The following KCNMB3 variants were observed in gnomAD, a reference collection of about 807,000 sequenced individuals.
The protein encoded by KCNMB3 is calcium-activated potassium channel subunit beta-3.
KCNMB3 carries 18 observed loss-of-function variants against 11.9 expected under a neutral mutation model. That is an observed-to-expected ratio of 1.51 (90% CI 1.04 to 2.23). The LOEUF (loss-of-function observed/expected upper bound fraction) is 2.23, where lower values mean the gene tolerates loss of function less well. KCNMB3 is among the 30% of genes most tolerant of loss of function. The probability of loss-of-function intolerance (pLI) is 0.00; values close to 1 mark genes in which losing one functional copy is unlikely to be tolerated. For synonymous variants in KCNMB3, 78 were observed against 119.2 expected (o/e 0.65, Z 2.25); for missense variants, 247 against 329.4 (o/e 0.75, Z 1.94).
At chr3:179,261,356 G>A (rs1290956005) in intron 1 of KCNMB3, 2 of 1,153,606 alleles carry the variant, frequency 1.7e-6, no homozygotes, top group South Asian at 4.1e-5. Context: ...GGGCCAGGGG[G>A]CGCGCGCTCT....
chr3:179,266,586 C>T, intron 1 of KCNMB3: 1 of 1,594,924 alleles, frequency 6.3e-7, no homozygotes, highest in Non-Finnish European at 8.6e-7. Flanking sequence ...GATGTCCCCT[C>T]TTCTTGCAAC....
Position 179,250,982 on chromosome 3 carries a change from G to A in KCNMB3, c.9C>T (p.Pro3=), listed in dbSNP as rs1167666539. 3 of 1,614,114 alleles carry A rather than the reference G, an allele frequency of 1.9e-6. No individual in the cohort carries two copies. In the South Asian group the frequency reaches 3.3e-5, roughly 18 times the overall value. The change falls in exon 1 of 3, where the codon CCC becomes CCT. Residue 3 remains proline, a synonymous_variant. Transcript: ENST00000392685. MF[P]LLYELTAVSP... ...ATACTGCAGTGAGCTCATAAAGAAG[G>A]GGGAACATTTCCAATCCATGGGGAC...
rs751692123 is a variant in KCNMB3 at position 179,243,043 on chromosome 3, G to A, written c.689C>T (p.Thr230Ile). Residue 230 changes from threonine to isoleucine, a missense_variant, in exon 3 of 3, where the codon ACA (threonine) becomes ATA (isoleucine). Physicochemically the swap from Thr to Ile is moderately conservative, Grantham distance 89 (BLOSUM62 -1). Around this residue, in one of 2 missense-constraint regions of KCNMB3, gnomAD observed 87 missense variants for 171.9 expected, o/e 0.51. Transcript: ENST00000392685. ...TTCACACAGTAAGGACAGGTGTTGT[G>A]TTAATCTCACCATGCCAACAATCAG... ...GALIVGMVRL[T>I]QHLSLLCEKY... is the part of the protein sequence containing the mutation. 3.6e-5 allele frequency: 57 copies of A among 1,595,400 alleles called. No individual in the cohort carries two copies. Among genetic ancestry groups the A allele is most frequent in the Non-Finnish European group, 4.6e-5 (54 of 1,171,160 alleles).
chr3:179,262,138 A>C (rs1726234200), intron 1 of KCNMB3, among the ~76,000 whole-genome samples: 1 of 152,250 alleles, frequency 6.6e-6, no homozygotes, highest in Non-Finnish European at 1.5e-5. Context: ...ACACTCCCCC[A>C]GTAATTTAGA....
downstream of KCNMB3, chr3:179,241,356 C>T (rs6786049): frequency 0.08 from 12,290 of 154,220 alleles, 526 homozygotes; most frequent in Middle Eastern, 0.12. Context: ...CAAATAAATC[C>T]TACTCTGAGA....
intron 1 of KCNMB3, among the ~76,000 whole-genome samples, chr3:179,261,433 G>A (rs1410517799): frequency 1.2e-4 from 18 of 151,930 alleles, no homozygotes; most frequent in Admixed American, 1.1e-3. Flanking sequence ...GAGCCAGCCC[G>A]CCGGGGAGCG....
chr3:179,251,894 G>A (rs1477773116), upstream of KCNMB3, among the ~76,000 whole-genome samples: 1 of 151,988 alleles, frequency 6.6e-6, no homozygotes, highest in Non-Finnish European at 1.5e-5. Context: ...GCTAATTTTT[G>A]TATTTTAAGT....
chr3:179,244,667 G>A lies in KCNMB3; in HGVS notation c.275C>T (p.Thr92Ile), dbSNP rs1185134841. Reference protein sequence around the residue: ...LSIQREESTCTAIHTDIMDDW... With the variant: ...LSIQREESTCIAIHTDIMDDW... ...GTCCATGATATCTGTGTGGATGGCA[G>A]TGCAGGTCGATTCTTCTCTCTGAAT... The change falls in exon 2 of 3, where the codon ACT becomes ATT. Residue 92 changes from threonine (T) to isoleucine (I), a missense_variant. By Grantham distance (89) the Thr-to-Ile change is moderately conservative. Around this residue, in one of 2 missense-constraint regions of KCNMB3, gnomAD observed 160 missense variants for 157.5 expected, o/e 1.02. Transcript: ENST00000392685. 2 of 1,613,760 alleles carry A rather than the reference G, an allele frequency of 1.2e-6. No homozygotes were observed. Among genetic ancestry groups the A allele is most frequent in the Non-Finnish European group, 1.7e-6 (2 of 1,179,884 alleles).
intron 1 of KCNMB3, among the ~76,000 whole-genome samples, chr3:179,245,323 C>T (rs558126473): frequency 1.3e-5 from 2 of 152,326 alleles, no homozygotes; most frequent in South Asian, 2.1e-4. Context: ...CACATACCCA[C>T]TACTTCCAAA....
At chr3:179,255,164 C>CAA (rs5854826), upstream of KCNMB3, among the ~76,000 whole-genome samples, 45 of 148,570 alleles carry the variant, frequency 3.0e-4, no homozygotes, top group Admixed American at 4.7e-4. Context: ...GACTCTATCT[C>CAA]AAAAAAAAAT....
At chr3:179,259,689 T>C in intron 1 of KCNMB3, 1 of 1,604,000 alleles carries the variant, frequency 6.2e-7, no homozygotes, top group Non-Finnish European at 8.5e-7. Context: ...TTTAAGGGTT[T>C]CTATGGGTAC....
At chr3:179,258,134 C>A (rs912139531) in intron 1 of KCNMB3, among the ~76,000 whole-genome samples, 1 of 152,164 alleles carries the variant, frequency 6.6e-6, no homozygotes, top group Non-Finnish European at 1.5e-5. Flanking sequence ...GATCCACCCG[C>A]CTTGGCCTCC....
intron 1 of KCNMB3, among the ~76,000 whole-genome samples, chr3:179,263,430 C>T (rs961998082): frequency 2.0e-5 from 3 of 152,256 alleles, no homozygotes; most frequent in African/African-American, 4.8e-5. Flanking sequence ...CGGCTCTAGC[C>T]TTGGCCAGCC....
At chr3:179,266,836 C>A (rs1160584837) in exon 1 of KCNMB3, 39 of 1,448,518 alleles carry the variant, frequency 2.7e-5, no homozygotes, top group Non-Finnish European at 3.4e-5. Flanking sequence ...CCCAGCGCAG[C>A]TGCAGCCATT....
chr3:179,262,539 C>T (rs938906571), intron 1 of KCNMB3, among the ~76,000 whole-genome samples: 2 of 152,226 alleles, frequency 1.3e-5, no homozygotes, highest in African/African-American at 2.4e-5. Context: ...AACAAATCCT[C>T]CACAGCGTGG....
At chr3:179,240,203 T>G (rs1385318436), downstream of KCNMB3, 21 of 584,316 alleles carry the variant, frequency 3.6e-5, no homozygotes, top group Admixed American at 7.2e-4. Flanking sequence ...AATCAAAATT[T>G]AGCTGAATTT....
chr3:179,259,199 C>A (rs1726120208), intron 1 of KCNMB3: 2 of 1,543,020 alleles, frequency 1.3e-6, no homozygotes, highest in Admixed American at 2.1e-5. Flanking sequence ...ACATCCCACA[C>A]CTCTCTGTAC....
chr3:179,255,017 T>C (rs1015248092), upstream of KCNMB3, among the ~76,000 whole-genome samples: 2 of 151,644 alleles, frequency 1.3e-5, no homozygotes, highest in African/African-American at 4.8e-5. Context: ...ATACAAAAAT[T>C]AGCCAGGTGT....
upstream of KCNMB3, among the ~76,000 whole-genome samples, chr3:179,252,203 A>G (rs763718019): frequency 2.0e-4 from 31 of 152,250 alleles, no homozygotes; most frequent in Middle Eastern, 6.8e-3. Flanking sequence ...TAGTTTGCCA[A>G]AATCCCTCCA....
Sources: allele counts gnomAD v4.1 joint callset (sites outside exome capture counted in the v4.1 genomes callset), GRCh38; gene constraint gnomAD v4.1.1; regional missense constraint gnomAD v4.1.1; transcripts MANE v1.5; gene names NCBI Gene and HGNC (gene_info 2026-07-23, HGNC 2026-07-21).